The following CCBE1 variants were observed in gnomAD, a reference collection of about 807,000 sequenced individuals.
CCBE1 encodes collagen and calcium binding EGF domains 1.
Under a neutral mutation model 50.0 loss-of-function variants are expected in CCBE1, and 37 were observed. The observed-to-expected ratio is 0.74, with a 90% CI of 0.57 to 0.97. The LOEUF is 0.97. Among genes scored for constraint, CCBE1 ranks in the 50% least tolerant of loss-of-function variants. The pLI is 0.00. For synonymous variants in CCBE1, 234 were observed against 203.7 expected (o/e 1.15, Z -1.27); for missense variants, 538 against 523.8 (o/e 1.03, Z -0.26).
At chr18:59,623,959 G>T (rs532692130) in intron 2 of CCBE1, among the ~76,000 whole-genome samples, 2 of 152,138 alleles carry the variant, frequency 1.3e-5, no homozygotes, top group Non-Finnish European at 2.9e-5. Flanking sequence ...CATGTTCCCC[G>T]GTGCAAACAC....
chr18:59,524,826 TGTAA>T (rs772873945), intron 2 of CCBE1, among the ~76,000 whole-genome samples: 1 of 152,198 alleles, frequency 6.6e-6, no homozygotes, highest in Non-Finnish European at 1.5e-5. Context: ...AGCTCCTACT[TGTAA>T]GTGAGAACAT....
At chr18:59,582,776 A>G (rs745952127) in intron 2 of CCBE1, among the ~76,000 whole-genome samples, 6 of 152,190 alleles carry the variant, frequency 3.9e-5, no homozygotes, top group Non-Finnish European at 7.3e-5. Context: ...TGAAGAGATT[A>G]TGTAATTTTA....
chr18:59,466,860 C>T lies in CCBE1; in HGVS notation c.432G>A (p.Thr144=), dbSNP rs766221977. 1.7e-5 allele frequency: 28 copies of T among 1,613,174 alleles called. No individual in the cohort carries two copies. The highest frequency in any genetic ancestry group is 6.7e-5 in the African/African-American group (5 of 74,908). Residue 144 remains threonine, a synonymous_variant, in exon 5 of 11, where the codon ACG becomes ACA. Transcript: ENST00000439986. ...DIDECASSNG[T]LCAHICINTL... ...TATTGATGCAGATGTGGGCACACAG[C>T]GTCCCATTGCTGCTGGCACACTCAT...
intron 2 of CCBE1, among the ~76,000 whole-genome samples, chr18:59,669,697 G>A (rs549229340): frequency 6.6e-6 from 1 of 152,354 alleles, no homozygotes; most frequent in South Asian, 2.1e-4. Context: ...TGCTGGAGAT[G>A]ACTTCAGGTT....
intron 2 of CCBE1, among the ~76,000 whole-genome samples, chr18:59,562,606 C>T (rs552609613): frequency 7.9e-5 from 12 of 152,322 alleles, no homozygotes; most frequent in South Asian, 2.1e-4. Context: ...CACACGCGTA[C>T]GTTCTGGCCG....
At chr18:59,477,538 C>CTCTGTGTGTGTGTGTG in intron 3 of CCBE1, among the ~76,000 whole-genome samples, 3 of 149,996 alleles carry the variant, frequency 2.0e-5, no homozygotes, top group East Asian at 3.9e-4. Context: ...TTCCATGTCT[C>CTCTGTGTGTGTGTGTG]TGTGTGTGTG....
chr18:59,618,176 C>A (rs750587220), intron 2 of CCBE1, among the ~76,000 whole-genome samples: 1 of 151,968 alleles, frequency 6.6e-6, no homozygotes, highest in East Asian at 1.9e-4. Context: ...GAGCTGAGAG[C>A]GGTGGCTCAT....
At chr18:59,480,534 G>C (rs1011154608) in intron 2 of CCBE1, among the ~76,000 whole-genome samples, 1 of 152,090 alleles carries the variant, frequency 6.6e-6, no homozygotes, top group Non-Finnish European at 1.5e-5. Context: ...AGCAATTAAA[G>C]GAGTATAGGG....
At chr18:59,438,412 T>C (rs932648339) in intron 9 of CCBE1, among the ~76,000 whole-genome samples, 8 of 152,216 alleles carry the variant, frequency 5.3e-5, no homozygotes, top group Non-Finnish European at 8.8e-5. Context: ...CCCAACAGCA[T>C]GTGGAGTAAC....
chr18:59,681,518 T>C (rs2054587744), intron 2 of CCBE1, among the ~76,000 whole-genome samples: 1 of 152,128 alleles, frequency 6.6e-6, no homozygotes, highest in African/African-American at 2.4e-5. Flanking sequence ...GGACTACAGC[T>C]CTCCATGAAG....
At chr18:59,556,892 T>C (rs894579806) in intron 2 of CCBE1, among the ~76,000 whole-genome samples, 1 of 152,258 alleles carries the variant, frequency 6.6e-6, no homozygotes, top group African/African-American at 2.4e-5. Flanking sequence ...GCATTTGTGC[T>C]GCATCAGCCC....
chr18:59,611,534 C>T (rs537466700), intron 2 of CCBE1, among the ~76,000 whole-genome samples: 2 of 152,264 alleles, frequency 1.3e-5, no homozygotes, highest in South Asian at 2.1e-4. Context: ...CATTTGAGGT[C>T]AGAAGTTTGA....
chr18:59,605,154 T>TC (rs2053480993), intron 2 of CCBE1, among the ~76,000 whole-genome samples: 1 of 152,048 alleles, frequency 6.6e-6, no homozygotes, highest in Non-Finnish European at 1.5e-5. Context: ...CAGAGGCTGC[T>TC]CCCCCTAGGA....
chr18:59,499,570 G>A (rs1195288909), intron 2 of CCBE1, among the ~76,000 whole-genome samples: 1 of 152,118 alleles, frequency 6.6e-6, no homozygotes, highest in African/African-American at 2.4e-5. Flanking sequence ...GCTTGTGTAG[G>A]GAAACTCCCC....
intron 2 of CCBE1, among the ~76,000 whole-genome samples, chr18:59,571,476 G>A (rs1283736508): frequency 1.1e-4 from 15 of 141,130 alleles, no homozygotes; most frequent in Admixed American, 8.7e-4. Flanking sequence ...GGGGACTTTT[G>A]TGGAATGGGG....
At chr18:59,536,754 C>T (rs1032489060) in intron 2 of CCBE1, among the ~76,000 whole-genome samples, 1 of 152,048 alleles carries the variant, frequency 6.6e-6, no homozygotes, top group African/African-American at 2.4e-5. Context: ...CTCTAGGAGG[C>T]CGAGGTGGGC....
intron 2 of CCBE1, among the ~76,000 whole-genome samples, chr18:59,619,570 G>T (rs2053685179): frequency 6.6e-6 from 1 of 152,210 alleles, no homozygotes; most frequent in African/African-American, 2.4e-5. Context: ...TAAAGTCTCA[G>T]ATGTAAAGTT....
intron 2 of CCBE1, among the ~76,000 whole-genome samples, chr18:59,564,998 C>T (rs143410199): frequency 0.01 from 1,548 of 152,340 alleles, 24 homozygotes; most frequent in African/African-American, 0.035. Context: ...ATCACTGCAA[C>T]AGAACTGAGT....
chr18:59,665,849 G>A (rs528919366), intron 2 of CCBE1, among the ~76,000 whole-genome samples: 1 of 152,256 alleles, frequency 6.6e-6, no homozygotes, highest in African/African-American at 2.4e-5. Flanking sequence ...TGAGAAACTT[G>A]GCTTTAACCA....
Sources: allele counts gnomAD v4.1 joint callset (sites outside exome capture counted in the v4.1 genomes callset), GRCh38; gene constraint gnomAD v4.1.1; transcripts MANE v1.5; gene names NCBI Gene and HGNC (gene_info 2026-07-23, HGNC 2026-07-21).